Variants in MROH9 observed in about 807,000 individuals in gnomAD.
MROH9 encodes maestro heat-like repeat-containing protein family member 9.
MROH9 carries 92 observed loss-of-function variants against 98.2 expected under a neutral mutation model. The ratio of observed to expected loss-of-function variants is 0.94; its 90% confidence interval spans 0.79 to 1.11. The LOEUF (loss-of-function observed/expected upper bound fraction) is 1.11. Among genes scored for constraint, MROH9 ranks in the 50% most tolerant of loss-of-function variants. The probability of loss-of-function intolerance (pLI) is 0.00; values close to 1 mark genes in which losing one functional copy is unlikely to be tolerated. For missense variants in MROH9, 1,057 were observed against 1,014.8 expected (o/e 1.04, Z -0.57); for synonymous variants, 397 against 368.9 (o/e 1.08, Z -0.87).
At chr1:170,942,888 G>C (rs1169758391) in intron 1 of MROH9, among the ~76,000 whole-genome samples, 3 of 152,132 alleles carry the variant, frequency 2.0e-5, no homozygotes, top group Non-Finnish European at 4.4e-5. Context: ...AGGTGGGCCA[G>C]GGTAAAGGAG....
intron 20 of MROH9, among the ~76,000 whole-genome samples, chr1:171,045,429 A>C (rs747656652): frequency 4.6e-5 from 7 of 152,144 alleles, no homozygotes; most frequent in Non-Finnish European, 1.0e-4. Flanking sequence ...TAGGCACTTC[A>C]CAGCTACAGA....
intron 12 of MROH9, among the ~76,000 whole-genome samples, chr1:170,992,684 G>A (rs569954715): frequency 6.6e-6 from 1 of 152,262 alleles, no homozygotes; most frequent in African/African-American, 2.4e-5. Context: ...TGAATCAGGT[G>A]AGGATTTGAT....
At chr1:170,992,408 A>G (rs1557888501) in intron 12 of MROH9, 79 bp downstream of exon 12, 3 of 1,439,946 alleles carry the variant, frequency 2.1e-6, no homozygotes, top group Non-Finnish European at 2.8e-6. Context: ...CACAGACTCA[A>G]TCATACTTTC....
chr1:171,031,896 C>T (rs546264077), intron 20 of MROH9, among the ~76,000 whole-genome samples: 48 of 152,228 alleles, frequency 3.2e-4, no homozygotes, highest in East Asian at 7.7e-4. Context: ...CCATTCTCCT[C>T]GTCTCCTTCT....
intron 1 of MROH9, among the ~76,000 whole-genome samples, chr1:170,942,328 CAGGGGAGGCAAT>C (rs1649150069): frequency 6.6e-6 from 1 of 151,386 alleles, no homozygotes; most frequent in Non-Finnish European, 1.5e-5. Context: ...GCAACTGCCT[CAGGGGAGGCAAT>C]TACAGTTTCC....
At chr1:171,045,879 T>C (rs939061285) in intron 20 of MROH9, among the ~76,000 whole-genome samples, 3 of 152,200 alleles carry the variant, frequency 2.0e-5, no homozygotes, top group Non-Finnish European at 4.4e-5. Flanking sequence ...TTTGCAATGC[T>C]AAAAGTGGGG....
rs755442518 is a variant in MROH9 at position 170,961,956 on chromosome 1, T to A, written c.355T>A (p.Tyr119Asn). Residue 119 changes from tyrosine (Y) to asparagine (N), a missense_variant, in exon 6 of 22, where the codon TAC (tyrosine) becomes AAC (asparagine). By Grantham distance (143) the Tyr-to-Asn change is moderately radical. Coordinates refer to ENST00000367759, the MANE Select transcript of MROH9 (RefSeq NM_001163629.2). ...TACGAGCTTGGTGTCTAAAGACCTC[T>A]ACAAACTACAGATCTTAAAGGTAAA... Reference protein sequence around the residue: ...ILTSLVSKDLYKLQILKEMLV... With the variant: ...ILTSLVSKDLNKLQILKEMLV... 3 of 1,529,698 alleles carry A rather than the reference T, an allele frequency of 2.0e-6. No individual in the cohort carries two copies. In the South Asian group the frequency reaches 3.7e-5, roughly 19 times the overall value. 94.8% of individuals were successfully genotyped at this position (1,529,698 alleles called of 1,614,324 possible). A position where few individuals can be genotyped will look rare whatever the true frequency, so the allele number is the denominator to read the frequency against.
chr1:171,013,991 A>G, intron 15 of MROH9, 126 bp from the exon 16 acceptor site: 1 of 742,094 alleles, frequency 1.3e-6, no homozygotes, highest in Non-Finnish European at 2.2e-6. Flanking sequence ...GAGCACTGAA[A>G]TATATGTATT....
chr1:171,001,596 G>T (rs1651783719), intron 15 of MROH9, among the ~76,000 whole-genome samples: 1 of 152,018 alleles, frequency 6.6e-6, no homozygotes, highest in African/African-American at 2.4e-5. Flanking sequence ...ATTTCACTGT[G>T]GTCTGAGAGA....
chr1:171,040,737 A>T (rs544649568), intron 20 of MROH9, among the ~76,000 whole-genome samples: 32 of 152,204 alleles, frequency 2.1e-4, no homozygotes, highest in African/African-American at 7.7e-4. Flanking sequence ...AATTGAAACA[A>T]AGCACTCAGG....
intron 20 of MROH9, among the ~76,000 whole-genome samples, chr1:171,058,422 C>A (rs555589141): frequency 4.0e-4 from 60 of 151,470 alleles, no homozygotes; most frequent in Admixed American, 1.1e-3. Flanking sequence ...GCCATACTGC[C>A]CAAAGTAATT....
At chr1:170,941,696 G>A (rs1210960842) in intron 1 of MROH9, among the ~76,000 whole-genome samples, 1 of 152,144 alleles carries the variant, frequency 6.6e-6, no homozygotes, top group Non-Finnish European at 1.5e-5. Flanking sequence ...AGTGGCTGCA[G>A]TTTCCACCAT....
At chr1:170,957,707 C>T (rs1649819265) in intron 3 of MROH9, among the ~76,000 whole-genome samples, 1 of 151,670 alleles carries the variant, frequency 6.6e-6, no homozygotes, top group Admixed American at 6.6e-5. Flanking sequence ...TTAATTACCA[C>T]TTTTAAAGGC....
chr1:171,057,529 CT>C (rs1653879888), intron 20 of MROH9, among the ~76,000 whole-genome samples: 1 of 152,102 alleles, frequency 6.6e-6, no homozygotes, highest in Admixed American at 6.6e-5. Context: ...AGGAAACAAG[CT>C]GGAAAAAGCA....
chr1:170,961,693 A>G (rs904788657), intron 5 of MROH9, among the ~76,000 whole-genome samples, 197 bp from the exon 6 acceptor site: 5 of 152,142 alleles, frequency 3.3e-5, no homozygotes, highest in Non-Finnish European at 7.4e-5. Context: ...ATATTTTTTA[A>G]TATCTGAGAT....
chr1:171,015,610 G>T (rs538513769), intron 16 of MROH9, among the ~76,000 whole-genome samples: 59 of 151,894 alleles, frequency 3.9e-4, no homozygotes, highest in Admixed American at 6.6e-4. Context: ...GATCTGCATT[G>T]ACTCCCATGA....
intron 16 of MROH9, among the ~76,000 whole-genome samples, chr1:171,015,862 G>C (rs1652306355): frequency 6.6e-6 from 1 of 152,102 alleles, no homozygotes; most frequent in African/African-American, 2.4e-5. Context: ...CCGCCAATCA[G>C]ACACAATGCC....
intron 20 of MROH9, among the ~76,000 whole-genome samples, chr1:171,060,132 C>A (rs1411796838): frequency 6.6e-6 from 1 of 151,948 alleles, no homozygotes; most frequent in Non-Finnish European, 1.5e-5. Flanking sequence ...CAAATACCAC[C>A]TCTTCCCCCA....
At chr1:170,990,381 A>C (rs1191648113) in intron 11 of MROH9, among the ~76,000 whole-genome samples, 1 of 152,204 alleles carries the variant, frequency 6.6e-6, no homozygotes, top group Non-Finnish European at 1.5e-5. Flanking sequence ...TTGTACATGT[A>C]GTGTTTTTCT....
Sources: gnomAD v4.1 joint callset for allele counts (sites outside exome capture counted in the v4.1 genomes callset) on GRCh38, gnomAD v4.1.1 for gene constraint, MANE v1.5 for transcripts, NCBI Gene and HGNC (gene_info 2026-07-23, HGNC 2026-07-21) for gene names.